Variants in ARHGAP24 observed in about 807,000 individuals in gnomAD.
The protein encoded by ARHGAP24 is rho GTPase-activating protein 24.
Under a neutral mutation model 76.4 loss-of-function variants are expected in ARHGAP24, and 50 were observed. The ratio of observed to expected loss-of-function variants is 0.65; its 90% confidence interval spans 0.52 to 0.83. The LOEUF is 0.83. Ranked by LOEUF, ARHGAP24 falls within the 40% of genes least tolerant of loss-of-function variation. The pLI is 0.00. For missense variants in ARHGAP24, 930 were observed against 914.2 expected (o/e 1.02, Z -0.22); for synonymous variants, 345 against 323.3 (o/e 1.07, Z -0.72).
At chr4:85,672,383 G>A (rs1003565855) in intron 2 of ARHGAP24, among the ~76,000 whole-genome samples, 1 of 152,040 alleles carries the variant, frequency 6.6e-6, no homozygotes, top group East Asian at 1.9e-4. Flanking sequence ...CTCAACTCTC[G>A]GACTTCCTAA....
At chr4:85,618,948 A>C (rs1372819577) in intron 2 of ARHGAP24, among the ~76,000 whole-genome samples, 1 of 151,976 alleles carries the variant, frequency 6.6e-6, no homozygotes, top group African/African-American at 2.4e-5. Flanking sequence ...TTTCCTTTGC[A>C]GTACAGAAGC....
intron 3 of ARHGAP24, among the ~76,000 whole-genome samples, chr4:85,750,965 A>G (rs1294318626): frequency 6.6e-6 from 1 of 152,232 alleles, no homozygotes; most frequent in Admixed American, 6.5e-5. Context: ...TTTTTAGAAT[A>G]CTACACAAAG....
rs987022200 is a variant in ARHGAP24, at chr4:85,697,169, A to T, written c.181-24716A>T. ...ATTTATGCTGTCAGCAAAATTATTT[A>T]TATTATTATTTATAGAGAGAATTAC... On this transcript the variant is annotated intron_variant, in intron 2 of 9. Coordinates refer to ENST00000395184, the MANE Select transcript of ARHGAP24 (RefSeq NM_001025616.3). 2.0e-5 allele frequency among the ~76,000 whole-genome samples: 3 copies of T among 152,302 alleles called. No homozygotes were observed. The East Asian group carries it at 5.8e-4, about 29-fold the overall frequency.
At chr4:85,980,449 A>G (rs1411521432) in intron 8 of ARHGAP24, among the ~76,000 whole-genome samples, 2 of 152,180 alleles carry the variant, frequency 1.3e-5, no homozygotes, top group Non-Finnish European at 1.5e-5. Context: ...CTCATAATTA[A>G]TCATTTGCTC....
At chr4:85,699,628 A>G (rs1429169120) in intron 2 of ARHGAP24, among the ~76,000 whole-genome samples, 2 of 151,478 alleles carry the variant, frequency 1.3e-5, no homozygotes, top group African/African-American at 4.8e-5. Flanking sequence ...TTTACTTTTC[A>G]GAGAGATATC....
chr4:85,788,129 C>T (rs1727940743), intron 3 of ARHGAP24, among the ~76,000 whole-genome samples: 1 of 152,094 alleles, frequency 6.6e-6, no homozygotes, highest in Admixed American at 6.6e-5. Flanking sequence ...ATGAGGAAGC[C>T]AGTATATCAG....
At chr4:85,532,136 GT>G (rs970171432) in intron 1 of ARHGAP24, among the ~76,000 whole-genome samples, 69 of 152,258 alleles carry the variant, frequency 4.5e-4, no homozygotes, top group Middle Eastern at 3.4e-3. Flanking sequence ...TCAGGAACCA[GT>G]TTTAAAGTCA....
chr4:85,577,663 C>T (rs1256275281), intron 2 of ARHGAP24, among the ~76,000 whole-genome samples: 1 of 152,024 alleles, frequency 6.6e-6, no homozygotes, highest in Admixed American at 6.6e-5. Context: ...GGGTATTAGG[C>T]ATAATTATAG....
At chr4:85,599,353 C>T (rs1472199786) in intron 2 of ARHGAP24, among the ~76,000 whole-genome samples, 3 of 152,124 alleles carry the variant, frequency 2.0e-5, no homozygotes, top group African/African-American at 4.8e-5. Flanking sequence ...AAACAGAGCT[C>T]AGTTCATCTT....
intron 2 of ARHGAP24, among the ~76,000 whole-genome samples, chr4:85,683,124 G>A (rs1381393129): frequency 9.1e-6 from 1 of 110,046 alleles, no homozygotes; most frequent in Non-Finnish European, 1.9e-5. Flanking sequence ...GGGTGGGGGG[G>A]GGGTGCGGGG....
intron 3 of ARHGAP24, among the ~76,000 whole-genome samples, chr4:85,832,229 G>A (rs1467323105): frequency 2.0e-5 from 3 of 152,154 alleles, no homozygotes; most frequent in African/African-American, 4.8e-5. Flanking sequence ...TATAATTCCG[G>A]TGGTCTCAGT....
chr4:85,794,521 C>T (rs1339254955), intron 3 of ARHGAP24, among the ~76,000 whole-genome samples: 1 of 152,080 alleles, frequency 6.6e-6, no homozygotes, highest in East Asian at 1.9e-4. Context: ...CTCACCTTGA[C>T]CCCCAGGCTG....
intron 1 of ARHGAP24, among the ~76,000 whole-genome samples, chr4:85,498,121 A>G (rs1723652774): frequency 6.6e-6 from 1 of 152,234 alleles, no homozygotes. Flanking sequence ...AAGAACAAGG[A>G]GATTTTTGTG....
intron 3 of ARHGAP24, among the ~76,000 whole-genome samples, chr4:85,742,251 C>CAGT (rs142085809): frequency 0.011 from 1,669 of 152,246 alleles, 31 homozygotes; most frequent in African/African-American, 0.039. Flanking sequence ...AAGAGATAGG[C>CAGT]AGTCACTGAG....
At chr4:85,550,264 T>C (rs6839494) in intron 1 of ARHGAP24, among the ~76,000 whole-genome samples, 37,642 of 152,200 alleles carry the variant, frequency 0.25, 6,217 homozygotes, top group East Asian at 0.79. Flanking sequence ...CTTCTGCATA[T>C]GGCTAGCCAG....
chr4:85,618,838 T>C (rs1043235267), intron 2 of ARHGAP24, among the ~76,000 whole-genome samples: 4 of 152,094 alleles, frequency 2.6e-5, no homozygotes, highest in Non-Finnish European at 5.9e-5. Flanking sequence ...GTTTTCTTTC[T>C]TTGAGTTGTT....
intron 3 of ARHGAP24, among the ~76,000 whole-genome samples, chr4:85,806,475 T>C (rs1002553303): frequency 2.0e-5 from 3 of 152,218 alleles, no homozygotes; most frequent in African/African-American, 4.8e-5. Context: ...CACATTCTAC[T>C]TCTAAGGGCA....
chr4:85,677,755 T>G (rs1723035449), intron 2 of ARHGAP24, among the ~76,000 whole-genome samples: 1 of 152,222 alleles, frequency 6.6e-6, no homozygotes, highest in African/African-American at 2.4e-5. Flanking sequence ...TTTGTTGGTA[T>G]TATGTATTAA....
intron 5 of ARHGAP24, among the ~76,000 whole-genome samples, chr4:85,967,748 A>G (rs1019014416): frequency 6.6e-6 from 1 of 152,162 alleles, no homozygotes; most frequent in Non-Finnish European, 1.5e-5. Flanking sequence ...TTGAGTCTGT[A>G]TAATGACTTT....
Sources: gnomAD v4.1 joint callset for allele counts (sites outside exome capture counted in the v4.1 genomes callset) on GRCh38, gnomAD v4.1.1 for gene constraint, MANE v1.5 for transcripts, NCBI Gene and HGNC (gene_info 2026-07-23, HGNC 2026-07-21) for gene names.